PAX3: variants seen among roughly 807,000 people sequenced by gnomAD.
PAX3 encodes paired box protein Pax-3.
PAX3 carries 14 observed loss-of-function variants against 51.6 expected under a neutral mutation model. The observed-to-expected ratio is 0.27, with a 90% CI of 0.18 to 0.42. The LOEUF is 0.42. PAX3 is among the 10% of genes least tolerant of loss of function. The pLI is 1.00. For synonymous variants in PAX3, 280 were observed against 253.4 expected (o/e 1.11, Z -1.00); for missense variants, 540 against 642.8 (o/e 0.84, Z 1.73).
At chr2:222,228,087 A>T (rs1692451240) in intron 5 of PAX3, among the ~76,000 whole-genome samples, 1 of 152,180 alleles carries the variant, frequency 6.6e-6, no homozygotes, top group Non-Finnish European at 1.5e-5. Context: ...CAGATCCTCT[A>T]AAAACTAAAG....
intron 4 of PAX3, among the ~76,000 whole-genome samples, chr2:222,280,992 C>A (rs1486518293): frequency 6.6e-6 from 1 of 152,224 alleles, no homozygotes; most frequent in African/African-American, 2.4e-5. Flanking sequence ...CAGACACTGG[C>A]TTCTAGTAAG....
rs746163252 is a variant in PAX3, at chr2:222,201,135, C to A, written c.*273G>T. On this transcript the variant is annotated 3_prime_UTR_variant, in exon 9 of 9. Coordinates refer to ENST00000392070, the MANE Select transcript of PAX3 (RefSeq NM_181458.4). ...AGAATTGGGATGTTTTGATATGTAA[C>A]CATGTGAAACCATTGCCTTAAAATG... 1.2e-6 allele frequency: 2 copies of A among 1,607,530 alleles called. No individual in the cohort carries two copies. Among genetic ancestry groups the A allele is most frequent in the Non-Finnish European group, 1.7e-6 (2 of 1,174,574 alleles).
intron 5 of PAX3, among the ~76,000 whole-genome samples, chr2:222,222,593 G>A (rs760069284): frequency 6.6e-6 from 1 of 152,042 alleles, no homozygotes; most frequent in Admixed American, 6.6e-5. Context: ...TAGTAGAGAC[G>A]GGGTTTCACC....
intron 6 of PAX3, among the ~76,000 whole-genome samples, 191 bp downstream of exon 6, chr2:222,221,031 A>T (rs1408416406): frequency 6.6e-6 from 1 of 152,262 alleles, no homozygotes; most frequent in Non-Finnish European, 1.5e-5. Flanking sequence ...AGCACAGTTT[A>T]TCTAGAGATA....
chr2:222,298,441 C>T, intron 1 of PAX3, 90 bp downstream of exon 1: 1 of 1,095,238 alleles, frequency 9.1e-7, no homozygotes, highest in South Asian at 1.3e-5. Flanking sequence ...TTCCTGGAAG[C>T]ACCAAAGGAG....
Position 222,298,562 on chromosome 2 carries a change from C to T in PAX3, c.54G>A (p.Gln18=), listed in dbSNP as rs763558084. ...VPRMMRPGPG[Q]NYPRSGFPLE... The stretch of plus-strand genomic sequence containing the variant: ...GCGGGAACCCGCTACGCGGGTAGTT[C>T]TGCCCCGGGCCCGGCCGCATCATCC... The change falls in exon 1 of 9, where the codon CAG becomes CAA. Residue 18 remains glutamine (Q), a synonymous_variant. Transcript: ENST00000392070. The T allele has an allele frequency of 1.2e-6, 2 of 1,607,690 alleles. No homozygotes were observed. Among genetic ancestry groups the T allele is most frequent in the Non-Finnish European group, 1.7e-6 (2 of 1,177,532 alleles).
intron 5 of PAX3, among the ~76,000 whole-genome samples, chr2:222,228,826 C>T (rs1031820143): frequency 6.6e-6 from 1 of 152,120 alleles, no homozygotes; most frequent in South Asian, 2.1e-4. Flanking sequence ...GTAGACCCAG[C>T]TACTCTGGAA....
intron 4 of PAX3, among the ~76,000 whole-genome samples, chr2:222,279,339 A>G (rs1694553496): frequency 8.2e-6 from 1 of 122,530 alleles, no homozygotes; most frequent in Non-Finnish European, 1.8e-5. Context: ...GTGGTGTAGT[A>G]GTAATAGTAG....
chr2:222,204,151 T>C (rs968465042), intron 7 of PAX3, among the ~76,000 whole-genome samples: 1 of 152,150 alleles, frequency 6.6e-6, no homozygotes, highest in Non-Finnish European at 1.5e-5. Flanking sequence ...TTTTGTTTTA[T>C]TGGGGATTTG....
chr2:222,260,070 T>G (rs1693782976), intron 4 of PAX3, among the ~76,000 whole-genome samples: 1 of 152,186 alleles, frequency 6.6e-6, no homozygotes, highest in African/African-American at 2.4e-5. Flanking sequence ...AGATGAGGTC[T>G]AGCTTTGTTG....
intron 4 of PAX3, among the ~76,000 whole-genome samples, chr2:222,273,235 T>C (rs918491812): frequency 6.6e-6 from 1 of 152,204 alleles, no homozygotes; most frequent in Non-Finnish European, 1.5e-5. Context: ...CCTTACAACA[T>C]GATACTGAAT....
intron 4 of PAX3, among the ~76,000 whole-genome samples, chr2:222,249,250 G>A (rs1693335577): frequency 1.3e-5 from 2 of 152,256 alleles, no homozygotes; most frequent in East Asian, 3.9e-4. Context: ...AAACATAAGA[G>A]CATGAAGTCA....
intron 5 of PAX3, among the ~76,000 whole-genome samples, chr2:222,226,916 T>TTTA (rs1186295533): frequency 4.6e-5 from 7 of 151,842 alleles, no homozygotes; most frequent in Non-Finnish European, 1.0e-4. Flanking sequence ...TAGTTAACAG[T>TTTA]TGTATATACA....
intron 4 of PAX3, among the ~76,000 whole-genome samples, chr2:222,243,675 T>TA (rs1693102702): frequency 6.6e-6 from 1 of 152,246 alleles, no homozygotes; most frequent in Admixed American, 6.5e-5. Flanking sequence ...ATAAATGCTT[T>TA]TAACGACACT....
chr2:222,269,932 AAAG>A, intron 4 of PAX3, among the ~76,000 whole-genome samples: 2 of 152,240 alleles, frequency 1.3e-5, no homozygotes, highest in Middle Eastern at 6.8e-3. Flanking sequence ...CTTTTAGTAG[AAAG>A]AATTTAGTTC....
At chr2:222,220,438 G>A (rs1161489808) in intron 6 of PAX3, 84 bp from the exon 7 acceptor site, 3 of 1,234,582 alleles carry the variant, frequency 2.4e-6, no homozygotes, top group South Asian at 1.2e-5. Flanking sequence ...CAGCCACCAG[G>A]CCATCAGGAG....
intron 7 of PAX3, among the ~76,000 whole-genome samples, chr2:222,216,799 A>G (rs1387765407): frequency 1.3e-5 from 2 of 152,128 alleles, no homozygotes; most frequent in African/African-American, 2.4e-5. Context: ...TAGAAAGCCC[A>G]CTCTACAATC....
chr2:222,228,096 A>G (rs958917609), intron 5 of PAX3, among the ~76,000 whole-genome samples: 2 of 152,162 alleles, frequency 1.3e-5, no homozygotes, highest in Non-Finnish European at 1.5e-5. Flanking sequence ...TAAAAACTAA[A>G]GGATTTTCTT....
intron 4 of PAX3, among the ~76,000 whole-genome samples, chr2:222,275,850 A>T (rs1694401331): frequency 6.6e-6 from 1 of 152,212 alleles, no homozygotes; most frequent in Admixed American, 6.5e-5. Flanking sequence ...GAAAATTTTG[A>T]TTTATTCAAA....
Sources: gnomAD v4.1 joint callset for allele counts (sites outside exome capture counted in the v4.1 genomes callset) on GRCh38, gnomAD v4.1.1 for gene constraint, MANE v1.5 for transcripts, NCBI Gene and HGNC (gene_info 2026-07-23, HGNC 2026-07-21) for gene names.